The following RANBP2 variants were observed in gnomAD, a reference collection of about 807,000 sequenced individuals.
RANBP2 encodes RAN binding protein 2.
Under a neutral mutation model 303.6 loss-of-function variants are expected in RANBP2, and 57 were observed. That is an observed-to-expected ratio of 0.19 (90% CI 0.15 to 0.23). RANBP2 has a LOEUF of 0.23. RANBP2 is among the 10% of genes least tolerant of loss of function. RANBP2 has a pLI of 1.00. For missense variants in RANBP2, 3,138 were observed against 3,780.8 expected (o/e 0.83, Z 4.46); for synonymous variants, 1,167 against 1,301.5 (o/e 0.90, Z 2.23).
chr2:109,492,754 T>A, the RANBP2 span, among the ~76,000 whole-genome samples: 113,279 of 152,066 alleles, frequency 0.74, 42,547 homozygotes, highest in Middle Eastern at 0.8. Flanking sequence ...GAGCTACCTC[T>A]CTGTAGGGTG....
At chr2:109,123,411 A>G in the RANBP2 span, among the ~76,000 whole-genome samples, 6 of 128,958 alleles carry the variant, frequency 4.7e-5, no homozygotes, top group Admixed American at 2.6e-4. Context: ...CCTGAAGCAC[A>G]GTGCTCCCTG....
At chr2:109,193,001 C>T in the RANBP2 span, among the ~76,000 whole-genome samples, 6 of 152,170 alleles carry the variant, frequency 3.9e-5, no homozygotes, top group African/African-American at 1.4e-4. Context: ...TGGAAACCTG[C>T]AAGTTGGAAA....
At chr2:109,043,347 C>CTT in the RANBP2 span, among the ~76,000 whole-genome samples, 1 of 146,876 alleles carries the variant, frequency 6.8e-6, no homozygotes, top group East Asian at 2.0e-4. Flanking sequence ...ATAACATGAA[C>CTT]TTTTTTTTTT....
chr2:109,521,073 C>T, the RANBP2 span, among the ~76,000 whole-genome samples: 110 of 152,042 alleles, frequency 7.2e-4, 3 homozygotes, highest in East Asian at 0.02. Context: ...AAAAATTAGC[C>T]GGGCGTGGTG....
chr2:108,892,833 G>A, the RANBP2 span, among the ~76,000 whole-genome samples: 1 of 152,128 alleles, frequency 6.6e-6, no homozygotes, highest in Non-Finnish European at 1.5e-5. Context: ...CCTGCTTTTG[G>A]TGTTTCCTGC....
the RANBP2 span, chr2:109,449,421 A>T: frequency 1.2e-6 from 2 of 1,613,866 alleles, no homozygotes; most frequent in South Asian, 1.1e-5. Flanking sequence ...AGGGGGGCCC[A>T]TCGGTGTTCT....
the RANBP2 span, chr2:109,614,764 G>A: frequency 6.8e-7 from 1 of 1,479,700 alleles, no homozygotes; most frequent in South Asian, 1.3e-5. Context: ...GAGCCCTCCG[G>A]GGACCCGCCG....
At chr2:109,623,377 A>T in the RANBP2 span, among the ~76,000 whole-genome samples, 1 of 152,040 alleles carries the variant, frequency 6.6e-6, no homozygotes, top group African/African-American at 2.4e-5. Flanking sequence ...TCCAGAGGGG[A>T]TATCTCAGCC....
At chr2:109,258,815 C>A in the RANBP2 span, among the ~76,000 whole-genome samples, 2 of 152,348 alleles carry the variant, frequency 1.3e-5, no homozygotes, top group Admixed American at 1.3e-4. Flanking sequence ...CAGGTCAGAG[C>A]AGGACCCATC....
chr2:109,668,830 A>G, the RANBP2 span, among the ~76,000 whole-genome samples: 2 of 152,184 alleles, frequency 1.3e-5, no homozygotes, highest in Middle Eastern at 3.2e-3. Flanking sequence ...ACATGGAACA[A>G]TTGGAACCCT....
the RANBP2 span, among the ~76,000 whole-genome samples, chr2:109,547,091 C>T: frequency 0.025 from 3,781 of 152,214 alleles, 67 homozygotes; most frequent in Non-Finnish European, 0.038. Flanking sequence ...GGTTAACCAC[C>T]AAAGACAACT....
the RANBP2 span, among the ~76,000 whole-genome samples, chr2:109,726,058 G>GGGGTGTGT: frequency 1.6e-3 from 213 of 137,102 alleles, 1 homozygote; most frequent in Admixed American, 4.9e-3. Flanking sequence ...TTTTGCTTTT[G>GGGGTGTGT]GTGTGTGTGT....
the RANBP2 span, chr2:109,545,765 T>C: frequency 3.5e-6 from 5 of 1,426,726 alleles, no homozygotes; most frequent in Admixed American, 5.8e-5. Flanking sequence ...GCAGCCATTT[T>C]CCCCCAGCTA....
chr2:109,267,805 G>A, the RANBP2 span, among the ~76,000 whole-genome samples: 1 of 152,198 alleles, frequency 6.6e-6, no homozygotes, highest in Admixed American at 6.5e-5. Flanking sequence ...AAGCCCTGTT[G>A]GGGAGGGAGA....
the RANBP2 span, among the ~76,000 whole-genome samples, chr2:108,830,255 G>A: frequency 6.6e-6 from 1 of 152,174 alleles, no homozygotes; most frequent in African/African-American, 2.4e-5. Flanking sequence ...AAGGGCTGGG[G>A]GAAGAGAATG....
At chr2:109,071,952 C>A in the RANBP2 span, among the ~76,000 whole-genome samples, 1 of 152,088 alleles carries the variant, frequency 6.6e-6, no homozygotes, top group Admixed American at 6.6e-5. Context: ...TAGAAGGTGA[C>A]AACAGAATAT....
At chr2:108,918,568 C>T in the RANBP2 span, among the ~76,000 whole-genome samples, 1 of 152,172 alleles carries the variant, frequency 6.6e-6, no homozygotes, top group Non-Finnish European at 1.5e-5. Flanking sequence ...CCTCACAAGG[C>T]CTATTTTAAA....
At position 108,735,517 on chromosome 2, in the gene RANBP2, T is replaced by C. The variant is rs771225401; in HGVS notation, c.406-15T>C. ...AGTGTTACTCTAATAATTTTTCTTT[T>C]TCCCCTCTAAATAGGAACAGCTTCT... is the stretch of plus-strand genomic sequence containing the variant. On this transcript the variant is annotated splice_polypyrimidine_tract_variant and intron_variant, in intron 4 of 28. Transcript: ENST00000283195. The C allele has an allele frequency of 8.0e-5, 127 of 1,597,458 alleles. No individual in the cohort carries two copies. The East Asian group carries it at 2.7e-3, about 34-fold the overall frequency.
the RANBP2 span, among the ~76,000 whole-genome samples, chr2:109,493,581 C>T: frequency 6.7e-6 from 1 of 149,208 alleles, no homozygotes; most frequent in South Asian, 2.2e-4. Flanking sequence ...TGCACACACC[C>T]CACACACAAT....
Sources: allele counts gnomAD v4.1 joint callset (sites outside exome capture counted in the v4.1 genomes callset), GRCh38; gene constraint gnomAD v4.1.1; transcripts MANE v1.5; gene names NCBI Gene and HGNC (gene_info 2026-07-23, HGNC 2026-07-21).